The following TEX14 variants were observed in gnomAD, a reference collection of about 807,000 sequenced individuals.
TEX14 encodes the protein testis expressed 14, intercellular bridge forming factor.
A neutral mutation model predicts 178.6 loss-of-function variants in TEX14; 168 were observed. The ratio of observed to expected loss-of-function variants is 0.94; its 90% CI spans 0.83 to 1.07. The LOEUF (loss-of-function observed/expected upper bound fraction) is 1.07. Among genes scored for constraint, TEX14 ranks in the 50% least tolerant of loss-of-function variants. TEX14 has a pLI of 0.00. For missense variants in TEX14, 1,730 were observed against 1,753.6 expected, an observed-to-expected ratio of 0.99 and a Z score of 0.24; for synonymous variants, 626 against 634.1, an observed-to-expected ratio of 0.99 and a Z score of 0.19.
At chr17:58,656,709 G>A (rs1390941174) in intron 1 of TEX14, among the ~76,000 whole-genome samples, 2 of 144,696 alleles carry the variant, frequency 1.4e-5, no homozygotes, top group African/African-American at 2.6e-5. Flanking sequence ...AGCCAAGATC[G>A]CACCACTGCG....
chr17:58,679,588 G>C (rs970516612), intron 1 of TEX14: 1 of 152,220 alleles, frequency 6.6e-6, no homozygotes, highest in South Asian at 2.1e-4. Flanking sequence ...TCCCACATTT[G>C]TAGAAAACCA....
intron 5 of TEX14, among the ~76,000 whole-genome samples, 191 bp downstream of exon 5, chr17:58,621,459 A>T (rs1167164710): frequency 6.6e-6 from 1 of 152,122 alleles, no homozygotes; most frequent in African/African-American, 2.4e-5. Flanking sequence ...GAGAGGAGAG[A>T]GAGGGCGAAA....
intron 1 of TEX14, among the ~76,000 whole-genome samples, chr17:58,655,210 C>T (rs2046927816): frequency 6.6e-6 from 1 of 151,626 alleles, no homozygotes; most frequent in South Asian, 2.1e-4. Context: ...TGAGGAATCT[C>T]ACTCTGTCAC....
rs2045208716 is a variant in TEX14 at position 58,593,550 on chromosome 17, C to G, written c.2576+5G>C. On this transcript the variant is annotated splice_donor_5th_base_variant and intron_variant, in intron 15 of 31. Transcript: ENST00000349033. ...GACATTAAGAACAACAAAATGTTGA[C>G]CCACCTACTGGTATTTTGGATCCTG... is the stretch of plus-strand genomic sequence containing the variant. 2 of 1,609,874 alleles carry G rather than the reference C, an allele frequency of 1.2e-6. No homozygotes were observed. Among genetic ancestry groups the G allele is most frequent in the East Asian group, 4.5e-5 (2 of 44,874 alleles).
chr17:58,656,590 C>A (rs2046967457), intron 1 of TEX14, among the ~76,000 whole-genome samples: 2 of 151,872 alleles, frequency 1.3e-5, no homozygotes, highest in African/African-American at 4.8e-5. Context: ...CCCATCTCTA[C>A]TAAAACTACA....
At chr17:58,667,636 A>G (rs1598431233) in intron 1 of TEX14, among the ~76,000 whole-genome samples, 1 of 152,118 alleles carries the variant, frequency 6.6e-6, no homozygotes, top group South Asian at 2.1e-4. Context: ...TGTAATCCCA[A>G]CACTTTGGGA....
intron 2 of TEX14, chr17:58,631,860 C>A (rs189257140): frequency 9.2e-5 from 14 of 152,204 alleles, no homozygotes; most frequent in South Asian, 2.1e-4. Context: ...GTGCCTTCCA[C>A]ATGCGAAAGA....
intron 7 of TEX14, 40 bp from the exon 8 acceptor site, chr17:58,615,385 C>T (rs939937763): frequency 8.5e-6 from 10 of 1,179,262 alleles, no homozygotes; most frequent in South Asian, 2.4e-5. Context: ...AAGGAGTGAG[C>T]AGCCACTTAC....
At position 58,564,937 on chromosome 17, in the gene TEX14, G is replaced by T. The variant is rs759771930; in HGVS notation, c.3996C>A (p.Asp1332Glu). ...GCATACTACTATCTTCTTTTTTACT[G>T]TCAGTTTCTTGTTCTTCTAAGTGCC... ...DQRHLEEQET[D>E]SKKEDSSMLL... Residue 1332 changes from aspartate to glutamate, a missense_variant, in exon 28 of 32, where the codon GAC (aspartate) becomes GAA (glutamate). This residue lies in a region of TEX14 where 941 missense variants were observed against 1,072.4 expected (regional missense o/e 0.88). Coordinates refer to ENST00000349033, the MANE Select transcript of TEX14 (RefSeq NM_031272.5). 1.1e-5 allele frequency: 18 copies of T among 1,607,156 alleles called. No homozygotes were observed. Among genetic ancestry groups the T allele is most frequent in the Non-Finnish European group, 1.5e-5 (18 of 1,176,734 alleles).
intron 18 of TEX14, among the ~76,000 whole-genome samples, chr17:58,585,055 G>C (rs2144409053): frequency 6.6e-6 from 1 of 152,144 alleles, no homozygotes; most frequent in African/African-American, 2.4e-5. Flanking sequence ...CTCCAGCATA[G>C]ACTCTCTGGA....
rs2044958746 is a variant in TEX14, at chr17:58,585,961, C to T, written c.2910G>A (p.Gln970=). 6 of 1,613,924 alleles carry T rather than the reference C, an allele frequency of 3.7e-6. No homozygotes were observed. In the South Asian group the frequency reaches 6.6e-5, roughly 18 times the overall value. ...TGTTTTCTGGGCTCCTAATGGGGGG[C>T]TGCAGCAGGGCGTCGGGCTCATTTT... is the stretch of plus-strand genomic sequence containing the variant. ...EAENEPDALL[Q]PPIRSPENTD... is the part of the protein sequence containing the mutation. The change falls in exon 18 of 32, where the codon CAG becomes CAA. Residue 970 remains glutamine (Q), a synonymous_variant. Coordinates refer to ENST00000349033, the MANE Select transcript of TEX14 (RefSeq NM_031272.5).
chr17:58,565,871 G>A (rs1462316904), intron 26 of TEX14, 47 bp from the exon 27 acceptor site: 6 of 1,471,148 alleles, frequency 4.1e-6, no homozygotes, highest in Middle Eastern at 2.3e-4. Context: ...TCCCTTGCGT[G>A]TCCTGCCGTT....
intron 15 of TEX14, among the ~76,000 whole-genome samples, chr17:58,593,069 C>T (rs1192847177): frequency 6.6e-6 from 1 of 151,984 alleles, no homozygotes; most frequent in East Asian, 1.9e-4. Context: ...TATACAAACA[C>T]ACACACACTC....
intron 10 of TEX14, 149 bp downstream of exon 10, chr17:58,611,012 G>C: frequency 1.6e-6 from 1 of 625,202 alleles, no homozygotes; most frequent in South Asian, 2.2e-5. Context: ...TTGGCAGACA[G>C]GGTAAGGCAT....
At chr17:58,560,834 A>G (rs1424271266) in intron 29 of TEX14, among the ~76,000 whole-genome samples, 1 of 152,226 alleles carries the variant, frequency 6.6e-6, no homozygotes, top group East Asian at 1.9e-4. Flanking sequence ...CATTACCGTC[A>G]TCTGGACAGT....
At chr17:58,593,455 T>C in intron 15 of TEX14, 100 bp downstream of exon 15, 1 of 879,176 alleles carries the variant, frequency 1.1e-6, no homozygotes, top group Non-Finnish European at 1.9e-6. Flanking sequence ...TCACTCACAG[T>C]CCTTTTGTCA....
chr17:58,599,325 A>T lies in TEX14; in HGVS notation c.2020T>A (p.Phe674Ile). 6.2e-7 allele frequency: 1 copy of T among 1,613,784 alleles called. No homozygotes were observed. The highest frequency in any genetic ancestry group is 8.5e-7 in the Non-Finnish European group (1 of 1,180,020). ...GAAGAGCTCTCATCCTCACTGCCAA[A>T]ACAACACGCCTCTCTCTCCATCTTA... ...LDKMEREACCFGSEDESSSKA... is the reference protein window; with the variant it reads ...LDKMEREACCIGSEDESSSKA... Residue 674 changes from phenylalanine to isoleucine, a missense_variant, in exon 14 of 32, where the codon TTT (phenylalanine) becomes ATT (isoleucine). This residue lies in a region of TEX14 where 941 missense variants were observed against 1,072.4 expected (regional missense o/e 0.88). Transcript: ENST00000349033.
Position 58,605,072 on chromosome 17 carries a change from G to T in TEX14, c.1242C>A (p.Tyr414Ter). Residue 414 changes from tyrosine to a stop codon, truncating the protein, a stop_gained, in exon 11 of 32, where the codon TAC becomes TAA. Coordinates refer to ENST00000349033, the MANE Select transcript of TEX14 (RefSeq NM_031272.5). LOFTEE classifies it high-confidence loss of function. ...LTRVPLPTQL[Y>*]NWAAPEVILQ... ...AGATCACTTCTGGTGCGGCCCAGTT[G>T]TATAGCTGCGTAGGAAGGGGCACTC... The T allele has an allele frequency of 6.2e-7, 1 of 1,614,198 alleles. No individual in the cohort carries two copies. Among genetic ancestry groups the T allele is most frequent in the Non-Finnish European group, 8.5e-7 (1 of 1,180,024 alleles).
chr17:58,627,913 CTT>C (rs1172697593), intron 3 of TEX14, among the ~76,000 whole-genome samples: 2 of 75,690 alleles, frequency 2.6e-5, no homozygotes, highest in African/African-American at 1.1e-4. Context: ...CCCATGCCAC[CTT>C]TTTTTTTTTT....
Sources: gnomAD v4.1 joint callset for allele counts (sites outside exome capture counted in the v4.1 genomes callset) on GRCh38, gnomAD v4.1.1 for gene constraint, gnomAD v4.1.1 regional missense constraint, MANE v1.5 for transcripts, NCBI Gene and HGNC (gene_info 2026-07-23, HGNC 2026-07-21) for gene names.